The following MYH4 variants were observed in gnomAD, a reference collection of about 807,000 sequenced individuals.
MYH4 encodes myosin heavy chain 4, also known as myosin-4.
MYH4 carries 200 observed loss-of-function variants against 229.9 expected under a neutral mutation model. The ratio of observed to expected loss-of-function variants is 0.87; its 90% CI spans 0.78 to 0.98. The LOEUF is 0.98. Among genes scored for constraint, MYH4 ranks in the 50% least tolerant of loss-of-function variants. The probability of loss-of-function intolerance (pLI) is 0.00; values close to 1 mark genes in which losing one functional copy is unlikely to be tolerated. For missense variants in MYH4, 2,148 were observed against 2,332.6 expected (o/e 0.92, Z 1.63); for synonymous variants, 761 against 834.6 (o/e 0.91, Z 1.52).
intron 2 of MYH4, 52 bp from the exon 3 acceptor site, chr17:10,466,836 G>T: frequency 6.7e-7 from 1 of 1,499,472 alleles, no homozygotes; most frequent in Non-Finnish European, 9.2e-7. Context: ...GTGGAGAATT[G>T]TTCTGTTGAT....
At chr17:10,448,265 A>G in intron 33 of MYH4, 131 bp downstream of exon 33, 1 of 1,319,326 alleles carries the variant, frequency 7.6e-7, no homozygotes, top group Non-Finnish European at 1.0e-6. Flanking sequence ...CTGCATTCTC[A>G]AGGTACAATT....
chr17:10,457,484 C>T lies in MYH4; in HGVS notation c.1833G>A (p.Leu611=), dbSNP rs577534095. 1.2e-6 allele frequency: 2 copies of T among 1,614,144 alleles called. No individual in the cohort carries two copies. The highest frequency in any genetic ancestry group is 1.7e-6 in the Non-Finnish European group (2 of 1,180,004). Residue 611 remains leucine (L), a synonymous_variant, in exon 16 of 40, where the codon CTG becomes CTA. Coordinates refer to ENST00000255381, the MANE Select transcript of MYH4 (RefSeq NM_017533.2). ...GAGTCTTCATTGCAGACTTCTGGTA[C>T]AGCCCCACCACAGTCTCATTCAGGG... The part of the protein sequence containing the change: ...KDPLNETVVG[L]YQKSAMKTLA...
chr17:10,462,571 A>G (rs2072714260), intron 11 of MYH4, among the ~76,000 whole-genome samples: 1 of 152,220 alleles, frequency 6.6e-6, no homozygotes, highest in Non-Finnish European at 1.5e-5. Context: ...AGAAACATTA[A>G]TATTGGAGCA....
At position 10,452,925 on chromosome 17, in the gene MYH4, C is replaced by T; in HGVS notation, c.3119G>A (p.Gly1040Glu). 2 of 1,603,250 alleles carry T rather than the reference C, an allele frequency of 1.2e-6. No homozygotes were observed. Among genetic ancestry groups the T allele is most frequent in the Non-Finnish European group, 1.7e-6 (2 of 1,177,908 alleles). ...AAGTTTCTTTTCTTGTTCCAGAGAT[C>T]CTTCAAGCTAAATTTATGATGCATT... ...KLEQQVDDLE[G>E]SLEQEKKLCM... Residue 1040 changes from glycine to glutamate, a missense_variant, in exon 25 of 40, where the codon GGA becomes GAA. Physicochemically the swap from Gly to Glu is moderately conservative, Grantham distance 98 (BLOSUM62 -2). Transcript: ENST00000255381.
rs778082635 is a variant in MYH4, at chr17:10,444,664, C to A, written c.5607G>T (p.Gln1869His). 1 of 1,614,004 alleles carries A rather than the reference C, an allele frequency of 6.2e-7. No homozygotes were observed. Among genetic ancestry groups the A allele is most frequent in the Non-Finnish European group, 8.5e-7 (1 of 1,179,994 alleles). The change falls in exon 39 of 40, where the codon CAG becomes CAT. Residue 1869 changes from glutamine (Q) to histidine (H), a missense_variant. Coordinates refer to ENST00000255381, the MANE Select transcript of MYH4 (RefSeq NM_017533.2). The part of the protein sequence containing the change: ...EEDRKNILRL[Q>H]DLVDKLQTKV... ...TGGTTTGCAATTTGTCCACCAAGTC[C>A]TGCAGCCTGAGAATATTCTTGCGGT... is the stretch of plus-strand genomic sequence containing the variant.
At chr17:10,447,550 G>A (rs1332990809) in intron 34 of MYH4, among the ~76,000 whole-genome samples, 1 of 152,152 alleles carries the variant, frequency 6.6e-6, no homozygotes, top group East Asian at 1.9e-4. Flanking sequence ...AGTGATTTAA[G>A]CAGTGGCATG....
rs374951585 is a variant in MYH4, at chr17:10,463,592, C to T, written c.700G>A (p.Gly234Ser). 16 of 1,613,736 alleles carry T rather than the reference C, an allele frequency of 9.9e-6. No individual in the cohort carries two copies. The highest frequency in any genetic ancestry group is 1.6e-4 in the Middle Eastern group (1 of 6,082). Residue 234 changes from glycine (G) to serine (S), a missense_variant, in exon 8 of 40, where the codon GGC (glycine) becomes AGC (serine). Coordinates refer to ENST00000255381, the MANE Select transcript of MYH4 (RefSeq NM_017533.2). ...ISANPLLEAF[G>S]NAKTVRNDNS... is the part of the protein sequence containing the mutation. ...TCATTCCTCACGGTCTTGGCATTGC[C>T]GAAGGCTTCCAGTAGGGGGTTAGCA...
chr17:10,454,392 C>T (rs551164261), intron 22 of MYH4, among the ~76,000 whole-genome samples, 163 bp downstream of exon 22: 7 of 152,264 alleles, frequency 4.6e-5, no homozygotes, highest in East Asian at 1.9e-4. Context: ...CACATATGAA[C>T]GTGTGCAGCA....
chr17:10,443,421 C>T lies in MYH4; in HGVS notation c.5774G>A (p.Arg1925Lys), dbSNP rs1449053355. ...TGTGTGAACCTCCCGACTCTTCACT[C>T]TCAGCTTGTTGACTTGGGACTCAGC... ...DIAESQVNKL[R>K]VKSREVHTKV... is the part of the protein sequence containing the mutation. Residue 1925 changes from arginine (R) to lysine (K), a missense_variant, in exon 40 of 40, where the codon AGA becomes AAA. Arg to Lys is a conservative substitution (Grantham distance 26). Transcript: ENST00000255381. The surrounding 1 kb of genome is among the most constrained non-coding windows in gnomAD (Gnocchi z 4.6). 6.2e-7 allele frequency: 1 copy of T among 1,614,200 alleles called. No individual in the cohort carries two copies. The highest frequency in any genetic ancestry group is 1.7e-5 in the Admixed American group (1 of 60,026).
In MYH4 at chr17:10,459,416, G is replaced by T; in HGVS notation, c.1422C>A (p.Asn474Lys). The T allele has an allele frequency of 6.2e-7, 1 of 1,614,126 alleles. No individual in the cohort carries two copies. The highest frequency in any genetic ancestry group is 8.5e-7 in the Non-Finnish European group (1 of 1,180,022). ...DIAGFEIFDF[N>K]SLEQLCINFT... is the part of the protein sequence containing the mutation. Reference sequence around the variant, plus strand: ...AGTTGATGCACAGCTGCTCCAGGCTGTTGAACTACAGAACAAGATAAATAT... The same window carrying T: ...AGTTGATGCACAGCTGCTCCAGGCTTTTGAACTACAGAACAAGATAAATAT... The change falls in exon 15 of 40, where the codon AAC becomes AAA. Residue 474 changes from asparagine to lysine, a missense_variant. Coordinates refer to ENST00000255381, the MANE Select transcript of MYH4 (RefSeq NM_017533.2).
At chr17:10,466,492 T>C (rs1181272086) in intron 3 of MYH4, 50 bp downstream of exon 3, 1 of 1,613,280 alleles carries the variant, frequency 6.2e-7, no homozygotes. Flanking sequence ...ATCACCTAAA[T>C]TAACCCAAAA....
chr17:10,461,565 A>G (rs772948425), intron 11 of MYH4, among the ~76,000 whole-genome samples: 14 of 152,196 alleles, frequency 9.2e-5, no homozygotes, highest in Non-Finnish European at 1.6e-4. Flanking sequence ...TGAGGAGAAC[A>G]GCAATGGTTG....
At position 10,453,786 on chromosome 17, in the gene MYH4, C is replaced by T. The variant is rs756253586; in HGVS notation, c.2791G>A (p.Glu931Lys). 4.3e-6 allele frequency: 7 copies of T among 1,614,088 alleles called. No individual in the cohort carries two copies. In the Admixed American group the frequency reaches 6.7e-5, roughly 15 times the overall value. The change falls in exon 23 of 40, where the codon GAG becomes AAG. Residue 931 changes from glutamate (E) to lysine (K), a missense_variant. Coordinates refer to ENST00000255381, the MANE Select transcript of MYH4 (RefSeq NM_017533.2). ...TCAGCATTGATCTCTTCCTCATCCT[C>T]AGCTCTTTCAGTTACCTCTTTGATT... ...AKIKEVTERA[E>K]DEEEINAELT...
chr17:10,452,520 A>G lies in MYH4; in HGVS notation c.3258-14T>C. ...TCAAACTCTTTCCTATTAGAAGAGC[A>G]ACACATTAGCTTATAATCACTTCTC... is the stretch of plus-strand genomic sequence containing the variant. On this transcript the variant is annotated splice_polypyrimidine_tract_variant and intron_variant, in intron 25 of 39. Coordinates refer to ENST00000255381, the MANE Select transcript of MYH4 (RefSeq NM_017533.2). 6.2e-7 allele frequency: 1 copy of G among 1,609,926 alleles called. No homozygotes were observed. Among genetic ancestry groups the G allele is most frequent in the Non-Finnish European group, 8.5e-7 (1 of 1,176,770 alleles).
Position 10,447,879 on chromosome 17 carries a change from T to C in MYH4, c.4904A>G (p.His1635Arg). 1 of 1,614,068 alleles carries C rather than the reference T, an allele frequency of 6.2e-7. No individual in the cohort carries two copies. Among genetic ancestry groups the C allele is most frequent in the Non-Finnish European group, 8.5e-7 (1 of 1,179,980 alleles). ...TGCCTCAGCAGCCTGGCGGTTGGCA[T>C]GGTTCAGCTGGATTTCCATTTCATT... is the stretch of plus-strand genomic sequence containing the variant. ...DLNEMEIQLNHANRQAAEALR... is the reference protein window; with the variant it reads ...DLNEMEIQLNRANRQAAEALR... Residue 1635 changes from histidine to arginine, a missense_variant, in exon 34 of 40, where the codon CAT becomes CGT. By Grantham distance (29) the His-to-Arg change is conservative. Coordinates refer to ENST00000255381, the MANE Select transcript of MYH4 (RefSeq NM_017533.2).
Position 10,463,563 on chromosome 17 carries a change from G to C in MYH4, c.729C>G (p.Asn243Lys). ...TCAAGAGACTTACAAAGCGAGAGGAGTTGTCATTCCTCACGGTCTTGGCAT... is the reference window on the plus strand; with the variant it reads ...TCAAGAGACTTACAAAGCGAGAGGACTTGTCATTCCTCACGGTCTTGGCAT... ...FGNAKTVRND[N>K]SSRFGKFIRI... The change falls in exon 8 of 40, where the codon AAC becomes AAG. Residue 243 changes from asparagine (N) to lysine (K), a missense_variant. By Grantham distance (94) the Asn-to-Lys change is moderately conservative (BLOSUM62 0). Coordinates refer to ENST00000255381, the MANE Select transcript of MYH4 (RefSeq NM_017533.2). 2 of 1,612,364 alleles carry C rather than the reference G, an allele frequency of 1.2e-6. No homozygotes were observed. Among genetic ancestry groups the C allele is most frequent in the African/African-American group, 2.7e-5 (2 of 75,034 alleles).
At position 10,455,621 on chromosome 17, in the gene MYH4, T is replaced by A; in HGVS notation, c.2167A>T (p.Lys723Ter). ...AAATAATGAGACACAAACCTCTGTT[T>A]GAAGTCTGCATAAAGGATTCTGCTT... ...FPSRILYADF[K>*]QRYKVLNASA... is the part of the protein sequence containing the mutation. Residue 723 changes from lysine to a stop codon, truncating the protein, a stop_gained, in exon 19 of 40, where the codon AAA (lysine) becomes TAA (stop). Coordinates refer to ENST00000255381, the MANE Select transcript of MYH4 (RefSeq NM_017533.2). LOFTEE classifies it high-confidence loss of function. The A allele has an allele frequency of 6.2e-7, 1 of 1,614,052 alleles. No individual in the cohort carries two copies. The highest frequency in any genetic ancestry group is 8.5e-7 in the Non-Finnish European group (1 of 1,179,902).
chr17:10,455,373 GA>G, intron 19 of MYH4, 78 bp from the exon 20 acceptor site: 1 of 1,463,662 alleles, frequency 6.8e-7, no homozygotes, highest in Non-Finnish European at 9.3e-7. Flanking sequence ...AGCTATCATT[GA>G]AAAGATGATA....
intron 17 of MYH4, 125 bp from the exon 18 acceptor site, chr17:10,456,026 C>T: frequency 8.4e-7 from 1 of 1,190,228 alleles, no homozygotes; most frequent in Non-Finnish European, 1.2e-6. Flanking sequence ...ATTATCATAA[C>T]AGAGAGGAAT....
Sources: gnomAD v4.1 joint callset for allele counts (sites outside exome capture counted in the v4.1 genomes callset) on GRCh38, gnomAD v4.1.1 for gene constraint, Gnocchi (gnomAD v3.1) non-coding constraint, MANE v1.5 for transcripts, NCBI Gene and HGNC (gene_info 2026-07-23, HGNC 2026-07-21) for gene names.